DNAH9: variants seen among roughly 807,000 people sequenced by gnomAD.
DNAH9 encodes the protein DNAH9 variant protein.
In DNAH9, 345 loss-of-function variants were observed where a neutral mutation model predicts 471.6. The observed-to-expected ratio is 0.73, with a 90% CI of 0.67 to 0.80. DNAH9 has a LOEUF of 0.80. Ranked by LOEUF, DNAH9 falls within the 30% of genes least tolerant of loss-of-function variation. The probability of loss-of-function intolerance (pLI) is 0.00; values close to 1 mark genes in which losing one functional copy is unlikely to be tolerated. For missense variants in DNAH9, 5,407 were observed against 5,609.2 expected, an observed-to-expected ratio of 0.96 and a Z score of 1.15; for synonymous variants, 2,093 against 2,123.6, an observed-to-expected ratio of 0.99 and a Z score of 0.40.
At position 11,640,371 on chromosome 17, in the gene DNAH9, C is replaced by A. The variant is rs114346791; in HGVS notation, c.1888C>A (p.Arg630Ser). The change falls in exon 10 of 69, where the codon CGC (arginine) becomes AGC (serine). Residue 630 changes from arginine (R) to serine (S), a missense_variant. Arg to Ser is a moderately radical substitution (Grantham distance 110). Around this residue, in one of 3 missense-constraint regions of DNAH9, gnomAD observed 4,636 missense variants for 4,900.3 expected, o/e 0.95. Transcript: ENST00000262442. ...CCAGGGTCCTTTCAGCAACTTTGGA[C>A]GCATCACACACCCGTGAGTATTGTG... ...RIQGPFSNFG[R>S]ITHPCMESAE... 1.9e-6 allele frequency: 3 copies of A among 1,608,512 alleles called. No individual in the cohort carries two copies. The highest frequency in any genetic ancestry group is 2.6e-6 in the Non-Finnish European group (3 of 1,174,938).
chr17:11,937,358 G>A lies in DNAH9; in HGVS notation c.12496G>A (p.Asp4166Asn), dbSNP rs148626653. Residue 4166 changes from aspartate (D) to asparagine (N), a missense_variant, in exon 66 of 69, where the codon GAT becomes AAT. Asp to Asn is a conservative substitution (Grantham distance 23). This residue lies in a region of DNAH9 where 4,636 missense variants were observed against 4,900.3 expected (regional missense o/e 0.95). Transcript: ENST00000262442. The surrounding 1 kb of genome is among the most constrained non-coding windows in gnomAD (Gnocchi z 4.1). ...GCTTGCCCTTGATTTTCAGTACATC[G>A]ATGCTGAGCTGCCCCCAGAATCCCC... Reference protein sequence around the residue: ...MDYNGYHQYIDAELPPESPYL... With the variant: ...MDYNGYHQYINAELPPESPYL... The A allele has an allele frequency of 4.4e-6, 7 of 1,604,564 alleles. No individual in the cohort carries two copies. The highest frequency in any genetic ancestry group is 1.1e-5 in the South Asian group (1 of 90,302).
rs1220735697 is a variant in DNAH9 at position 11,962,584 on chromosome 17, C to T, written c.13233+328C>T. ...CCTCACCTGTTAGATGGGAGAAGAGCGTCATTGTAAAAGTTAAACGAGCTA... is the reference window on the plus strand; with the variant it reads ...CCTCACCTGTTAGATGGGAGAAGAGTGTCATTGTAAAAGTTAAACGAGCTA... On this transcript the variant is annotated intron_variant, in intron 68 of 68. Coordinates refer to ENST00000262442, the MANE Select transcript of DNAH9 (RefSeq NM_001372.4). This position sits in a 1 kb window ranked among gnomAD's most constrained non-coding sequence, Gnocchi z 4.1. 1.3e-5 allele frequency among the ~76,000 whole-genome samples: 2 copies of T among 152,160 alleles called. No individual in the cohort carries two copies. The highest frequency in any genetic ancestry group is 6.5e-5 in the Admixed American group (1 of 15,272).
At chr17:11,810,134 T>A in intron 44 of DNAH9, 112 bp from the exon 45 acceptor site, 1 of 1,334,300 alleles carries the variant, frequency 7.5e-7, no homozygotes, top group Non-Finnish European at 1.0e-6. Flanking sequence ...CACCTTACTT[T>A]AATTCCCATT....
In DNAH9 at chr17:11,966,415, GAGAC is replaced by G. The variant is rs1185299507; in HGVS notation, c.13234-2881_13234-2878del. On this transcript the variant is annotated intron_variant, in intron 68 of 68. Coordinates refer to ENST00000262442, the MANE Select transcript of DNAH9 (RefSeq NM_001372.4). ...ACATTCTCAGATTTTTTAAGAGAGA[GAGAC>G]AGAGAGAGAGAGAATTCATCACTAG... is the stretch of plus-strand genomic sequence containing the variant. Among the ~76,000 whole-genome samples the G allele has an allele frequency of 5.3e-5, 8 of 152,160 alleles. No individual in the cohort carries two copies. In the East Asian group the frequency reaches 1.5e-3, roughly 29 times the overall value.
At chr17:11,662,957 G>A (rs900677761) in intron 14 of DNAH9, among the ~76,000 whole-genome samples, 7 of 151,454 alleles carry the variant, frequency 4.6e-5, no homozygotes, top group Admixed American at 6.6e-5. Context: ...GGGTTTCACC[G>A]TTTTATCCAG....
rs186693918 is a variant in DNAH9 at position 11,680,088 on chromosome 17, A to G, written c.3576+109A>G. On this transcript the variant is annotated intron_variant, in intron 18 of 68. Transcript: ENST00000262442. The stretch of plus-strand genomic sequence containing the variant: ...ATGAAAAACAGGGCTTGGAGCTGCA[A>G]GATCCGTGTTTTGGAACTATAATGT... The G allele has an allele frequency of 2.2e-4, 183 of 831,574 alleles. No individual in the cohort carries two copies. In the East Asian group the frequency reaches 4.7e-3, roughly 21 times the overall value. The allele number at this position is 831,574 out of a possible 1,614,324, so 51.5% of individuals were successfully genotyped here.
At chr17:11,946,219 A>AG (rs1975118119) in intron 67 of DNAH9, among the ~76,000 whole-genome samples, 1 of 151,096 alleles carries the variant, frequency 6.6e-6, no homozygotes, top group Admixed American at 6.6e-5. Context: ...AAAAAAAAAA[A>AG]AAAGAGCCAG....
rs1555528615 is a variant in DNAH9 at position 11,947,772 on chromosome 17, A to AATTTT, written c.12843+5287_12843+5288insATTTT. Among the ~76,000 whole-genome samples, 83 of 108,334 alleles carry AATTTT rather than the reference A, an allele frequency of 7.7e-4. 15 individuals are homozygous for AATTTT. The highest frequency in any genetic ancestry group is 4.7e-3 in the Middle Eastern group (1 of 214). The allele number at this position is 108,334 out of a possible 152,430, so 71.1% of individuals were successfully genotyped here. The stretch of plus-strand genomic sequence containing the variant: ...CAGAATCTGGGAGGGGCTGGGAACT[A>AATTTT]TTTTTTTTTTTTTTTTTTTTTTTTT... On this transcript the variant is annotated intron_variant, in intron 67 of 68. Coordinates refer to ENST00000262442, the MANE Select transcript of DNAH9 (RefSeq NM_001372.4).
intron 30 of DNAH9, among the ~76,000 whole-genome samples, chr17:11,743,611 A>G (rs1054963125): frequency 6.6e-6 from 1 of 152,024 alleles, no homozygotes. Context: ...ATCTCCATTG[A>G]TCTTTTCTGA....
intron 43 of DNAH9, among the ~76,000 whole-genome samples, chr17:11,806,048 C>T (rs978419200): frequency 6.6e-6 from 1 of 152,170 alleles, no homozygotes; most frequent in Admixed American, 6.5e-5. Flanking sequence ...CCTATTCTCA[C>T]ACTCTTTTGG....
chr17:11,954,585 A>AAAT (rs1975543914), intron 67 of DNAH9, among the ~76,000 whole-genome samples: 1 of 152,060 alleles, frequency 6.6e-6, no homozygotes, highest in African/African-American at 2.4e-5. Flanking sequence ...GCCCAGGAAA[A>AAAT]AATAGCTTTC....
At chr17:11,808,834 A>G (rs1969784785) in intron 44 of DNAH9, among the ~76,000 whole-genome samples, 1 of 152,208 alleles carries the variant, frequency 6.6e-6, no homozygotes, top group East Asian at 1.9e-4. Flanking sequence ...TGGCCTGGGC[A>G]TCACGATTTT....
intron 48 of DNAH9, among the ~76,000 whole-genome samples, chr17:11,831,134 A>C (rs548172321): frequency 3.0e-4 from 46 of 152,224 alleles, no homozygotes; most frequent in Admixed American, 1.6e-3. Flanking sequence ...CTTCTGTTTT[A>C]GTCCCGTTTA....
intron 43 of DNAH9, among the ~76,000 whole-genome samples, chr17:11,804,020 A>G (rs1308115162): frequency 2.0e-5 from 3 of 152,270 alleles, no homozygotes; most frequent in African/African-American, 7.2e-5. Flanking sequence ...TGGAGCTCAT[A>G]TAAGGCATGG....
At chr17:11,818,440 A>G (rs1375219707) in intron 45 of DNAH9, among the ~76,000 whole-genome samples, 3 of 147,530 alleles carry the variant, frequency 2.0e-5, no homozygotes, top group African/African-American at 5.4e-5. Flanking sequence ...AAAAAAAAAA[A>G]AAGAAGAGAA....
At chr17:11,934,435 A>ATTTTTTTTTTTTTTTTTTTT in intron 65 of DNAH9, among the ~76,000 whole-genome samples, 1 of 86,034 alleles carries the variant, frequency 1.2e-5, no homozygotes, top group South Asian at 4.3e-4. Flanking sequence ...TGACAAACCC[A>ATTTTTTTTTTTTTTTTTTTT]TTTTTTTTTT....
At chr17:11,910,072 G>A (rs1466977047) in intron 61 of DNAH9, among the ~76,000 whole-genome samples, 2 of 152,044 alleles carry the variant, frequency 1.3e-5, no homozygotes, top group Non-Finnish European at 1.5e-5. Flanking sequence ...TGGCTAACAC[G>A]GTGAAACCCT....
intron 23 of DNAH9, 100 bp downstream of exon 23, chr17:11,699,983 G>C (rs887233): frequency 8.0e-7 from 1 of 1,242,656 alleles, no homozygotes; most frequent in Non-Finnish European, 1.1e-6. Flanking sequence ...TCTGACCTTG[G>C]TCCAGAGCTG....
chr17:11,730,865 T>C (rs1597558275), intron 28 of DNAH9, among the ~76,000 whole-genome samples: 1 of 151,926 alleles, frequency 6.6e-6, no homozygotes, highest in African/African-American at 2.4e-5. Flanking sequence ...GTAGTGGTGG[T>C]GATGATTCTA....
Sources: allele counts gnomAD v4.1 joint callset (sites outside exome capture counted in the v4.1 genomes callset), GRCh38; gene constraint gnomAD v4.1.1; regional missense constraint gnomAD v4.1.1; non-coding constraint Gnocchi (gnomAD v3.1); transcripts MANE v1.5; gene names NCBI Gene and HGNC (gene_info 2026-07-23, HGNC 2026-07-21).